ZSCAN18: variants seen among roughly 807,000 people sequenced by gnomAD.
The protein encoded by ZSCAN18 is zinc finger and SCAN domain-containing protein 18.
A neutral mutation model predicts 31.1 loss-of-function variants in ZSCAN18; 16 were observed. That is an observed-to-expected ratio of 0.51 (90% CI 0.35 to 0.78). The LOEUF (loss-of-function observed/expected upper bound fraction) is 0.78, where lower values mean the gene tolerates loss of function less well. Among genes scored for constraint, ZSCAN18 ranks in the 30% least tolerant of loss-of-function variants. ZSCAN18 has a pLI of 0.01. For synonymous variants in ZSCAN18, 375 were observed against 320.7 expected, an observed-to-expected ratio of 1.17 and a Z score of -1.81; for missense variants, 731 against 697.4, an observed-to-expected ratio of 1.05 and a Z score of -0.54.
Position 58,090,122 on chromosome 19 carries a change from C to T in ZSCAN18, c.146G>A (p.Arg49His), listed in dbSNP as rs368350026. Residue 49 changes from arginine to histidine, a missense_variant, in exon 2 of 7, where the codon CGC (arginine) becomes CAC (histidine). Arg to His is a conservative substitution (Grantham distance 29). Around this residue, in one of 4 missense-constraint regions of ZSCAN18, gnomAD observed 86 missense variants for 119.1 expected, o/e 0.72. Coordinates refer to ENST00000601144, the MANE Select transcript of ZSCAN18 (RefSeq NM_001145543.2). The surrounding 1 kb of genome is among the most constrained non-coding windows in gnomAD (Gnocchi z 4.7). ...GTAGACAAATTCCCGGAAACGCAGG[C>T]GGGAGAACTCCAGGTCAGCAGGGGT... is the stretch of plus-strand genomic sequence containing the variant. Reference protein sequence around the residue: ...ERTPADLEFSRLRFREFVYQE... With the variant: ...ERTPADLEFSHLRFREFVYQE... 4.3e-6 allele frequency: 7 copies of T among 1,613,634 alleles called. No individual in the cohort carries two copies. Among genetic ancestry groups the T allele is most frequent in the Non-Finnish European group, 5.9e-6 (7 of 1,179,880 alleles).
Position 58,088,749 on chromosome 19 carries a change from G to C in ZSCAN18, c.492C>G (p.Gly164=), listed in dbSNP as rs61746987. 1 of 1,608,554 alleles carries C rather than the reference G, an allele frequency of 6.2e-7. No individual in the cohort carries two copies. Among genetic ancestry groups the C allele is most frequent in the Non-Finnish European group, 8.5e-7 (1 of 1,179,970 alleles). ...GGGCCTGGCTGGGGCTCGCGAGCTCGCCTGGTAGCAGCAGAGGGTCCATGT... is the reference window on the plus strand; with the variant it reads ...GGGCCTGGCTGGGGCTCGCGAGCTCCCCTGGTAGCAGCAGAGGGTCCATGT... ...ERHMDPLLLP[G]ELASPSQALG... The change falls in exon 3 of 7, where the codon GGC becomes GGG. Residue 164 remains glycine (G), a synonymous_variant. Coordinates refer to ENST00000601144, the MANE Select transcript of ZSCAN18 (RefSeq NM_001145543.2).
chr19:58,101,299 A>ATTTTTTTTTTTT (rs71188078), upstream of ZSCAN18, among the ~76,000 whole-genome samples: 24 of 108,384 alleles, frequency 2.2e-4, no homozygotes, highest in African/African-American at 3.3e-4. Flanking sequence ...TGCCCAGCTA[A>ATTTTTTTTTTTT]TTTTTTTTTT....
intron 1 of ZSCAN18, among the ~76,000 whole-genome samples, chr19:58,104,889 T>C (rs295347): frequency 6.6e-6 from 1 of 152,214 alleles, no homozygotes; most frequent in East Asian, 1.9e-4. Flanking sequence ...GGAAGGTCGC[T>C]ACAGTAGACA....
Position 58,089,973 on chromosome 19 carries a change from C to T in ZSCAN18, c.295G>A (p.Gly99Ser). The T allele has an allele frequency of 6.2e-7, 1 of 1,614,120 alleles. No individual in the cohort carries two copies. The highest frequency in any genetic ancestry group is 8.5e-7 in the Non-Finnish European group (1 of 1,180,032). ...LELLVLEQFL[G>S]ILPDKVRPWV... The stretch of plus-strand genomic sequence containing the variant: ...GGCCGGACCTTATCAGGCAGGATGC[C>T]CAGGAACTGCTCCAGCACCAGCAGC... The change falls in exon 2 of 7, where the codon GGC becomes AGC. Residue 99 changes from glycine (G) to serine (S), a missense_variant. By Grantham distance (56) the Gly-to-Ser change is moderately conservative. Around this residue, in one of 4 missense-constraint regions of ZSCAN18, gnomAD observed 2 missense variants for 18.2 expected, o/e 0.11. Coordinates refer to ENST00000601144, the MANE Select transcript of ZSCAN18 (RefSeq NM_001145543.2).
In ZSCAN18 at chr19:58,118,352, C is replaced by A. The variant is rs1311082368; in HGVS notation, c.45G>T (p.Ala15=). 3 of 1,533,178 alleles carry A rather than the reference C, an allele frequency of 2.0e-6. No individual in the cohort carries two copies. The Admixed American group carries it at 6.1e-5, about 31-fold the overall frequency. The allele number at this position is 1,533,178 out of a possible 1,614,324, so 95.0% of individuals were successfully genotyped here. A position where few individuals can be genotyped will look rare whatever the true frequency, so the allele number is the denominator to read the frequency against. Residue 15 remains alanine (A), a synonymous_variant, in exon 1 of 2, where the codon GCG becomes GCT. Coordinates refer to the ZSCAN18 transcript ENST00000595721. ...CCGCGAGAGGACGGAACTCACTTCCCGCCGCCGTAGCGTCCTCGTCAGCTC... is the reference window on the plus strand; with the variant it reads ...CCGCGAGAGGACGGAACTCACTTCCAGCCGCCGTAGCGTCCTCGTCAGCTC...
At chr19:58,111,905 C>T (rs928632727) in intron 1 of ZSCAN18, among the ~76,000 whole-genome samples, 9 of 152,090 alleles carry the variant, frequency 5.9e-5, no homozygotes, top group Non-Finnish European at 8.8e-5. Context: ...TTTCAACATG[C>T]GAAAATTAGT....
rs756314064 is a variant in ZSCAN18, at chr19:58,085,223, G to A, written c.995C>T (p.Ala332Val). Residue 332 changes from alanine to valine, a missense_variant, in exon 7 of 7, where the codon GCC (alanine) becomes GTC (valine). Ala to Val is a moderately conservative substitution (Grantham distance 64). Coordinates refer to ENST00000601144, the MANE Select transcript of ZSCAN18 (RefSeq NM_001145543.2). ...TEEEEEQPGK[A>V]PDPQDPQDAE... ...GTCCTGGGGGTCCTGCGGGTCCGGGGCCTTCCCAGGCTGCTCTTCCTCCTC... is the reference window on the plus strand; with the variant it reads ...GTCCTGGGGGTCCTGCGGGTCCGGGACCTTCCCAGGCTGCTCTTCCTCCTC... 6.2e-7 allele frequency: 1 copy of A among 1,608,084 alleles called. No homozygotes were observed. The highest frequency in any genetic ancestry group is 1.7e-5 in the Admixed American group (1 of 59,886).
At position 58,085,411 on chromosome 19, in the gene ZSCAN18, C is replaced by G. The variant is rs771499239; in HGVS notation, c.839-32G>C. On this transcript the variant is annotated intron_variant, in intron 6 of 6. Coordinates refer to ENST00000601144, the MANE Select transcript of ZSCAN18 (RefSeq NM_001145543.2). ...CAAGGTCAGAGCCCTAGCGTGAGCG[C>G]CCCGCCCAGGGCCAGGGAGAGGAGG... 3 of 1,530,668 alleles carry G rather than the reference C, an allele frequency of 2.0e-6. No homozygotes were observed. In the South Asian group the frequency reaches 3.6e-5, roughly 18 times the overall value. 94.8% of individuals were successfully genotyped at this position (1,530,668 alleles called of 1,614,324 possible). A position where few individuals can be genotyped will look rare whatever the true frequency, so the allele number is the denominator to read the frequency against.
intron 1 of ZSCAN18, chr19:58,109,396 A>C (rs911418204): frequency 1.6e-6 from 2 of 1,218,152 alleles, no homozygotes; most frequent in African/African-American, 3.1e-5. Context: ...CAGCCAGGCC[A>C]GTATCTATTA....
At chr19:58,087,104 C>T in intron 4 of ZSCAN18, 96 bp from the exon 5 acceptor site, 3 of 1,160,220 alleles carry the variant, frequency 2.6e-6, no homozygotes, top group Non-Finnish European at 2.5e-6. Flanking sequence ...AGGAGCCAGC[C>T]CTGGCCAGGG....
Position 58,098,166 on chromosome 19 carries a change from C to T in ZSCAN18, c.-120+8G>A. The T allele has an allele frequency of 3.0e-6, 3 of 985,578 alleles. No individual in the cohort carries two copies. The highest frequency in any genetic ancestry group is 2.4e-6 in the Non-Finnish European group (2 of 830,052). The allele number at this position is 985,578 out of a possible 1,614,324, so 61.1% of individuals were successfully genotyped here. A position where few individuals can be genotyped will look rare whatever the true frequency, so the allele number is the denominator to read the frequency against. ...GACCCCCGCGCTGCATCCCCGGGAC[C>T]GACCCACCTGCTGCGCAGCTACCCC... On this transcript the variant is annotated splice_region_variant and intron_variant, in intron 1 of 6. Transcript: ENST00000601144.
Position 58,085,184 on chromosome 19 carries a change from G to C in ZSCAN18, c.1034C>G (p.Ser345Cys), listed in dbSNP as rs1388204633. 3.1e-6 allele frequency: 5 copies of C among 1,610,416 alleles called. No homozygotes were observed. Among genetic ancestry groups the C allele is most frequent in the Non-Finnish European group, 4.2e-6 (5 of 1,179,472 alleles). ...GGACTGCCTCTGCGATCCGGTGGCAGAGTCGGACTCCGCGTCCTGGGGGTC... is the reference window on the plus strand; with the variant it reads ...GGACTGCCTCTGCGATCCGGTGGCACAGTCGGACTCCGCGTCCTGGGGGTC... ...PQDPQDAESD[S>C]ATGSQRQSVI... The change falls in exon 7 of 7, where the codon TCT becomes TGT. Residue 345 changes from serine (S) to cysteine (C), a missense_variant. Transcript: ENST00000601144.
At chr19:58,112,196 A>C (rs1403312053) in intron 1 of ZSCAN18, among the ~76,000 whole-genome samples, 2 of 152,104 alleles carry the variant, frequency 1.3e-5, no homozygotes, top group Admixed American at 1.3e-4. Context: ...CAAGATTCCC[A>C]GTAATTTTTG....
At chr19:58,094,164 A>G (rs1334498959) in intron 1 of ZSCAN18, among the ~76,000 whole-genome samples, 1 of 151,746 alleles carries the variant, frequency 6.6e-6, no homozygotes, top group Non-Finnish European at 1.5e-5. Context: ...TTAGGAGGCC[A>G]AGGCAGGCAG....
chr19:58,094,253 T>C (rs183623803), intron 1 of ZSCAN18, among the ~76,000 whole-genome samples: 1 of 130,298 alleles, frequency 7.7e-6, no homozygotes, highest in Non-Finnish European at 1.6e-5. Flanking sequence ...AAAAAAAAAA[T>C]AATAATAATT....
chr19:58,113,543 T>C (rs2074705075), intron 1 of ZSCAN18, among the ~76,000 whole-genome samples: 1 of 152,186 alleles, frequency 6.6e-6, no homozygotes, highest in South Asian at 2.1e-4. Flanking sequence ...TAGCATTTCA[T>C]CTTGTAGCCA....
chr19:58,084,606 G>C lies in ZSCAN18; in HGVS notation c.*79C>G. On this transcript the variant is annotated 3_prime_UTR_variant, in exon 7 of 7. Transcript: ENST00000601144. The surrounding 1 kb of genome is among the most constrained non-coding windows in gnomAD (Gnocchi z 4.5). ...AACACCACAGGAAGCCGCCACCCAG[G>C]GGCGTGGAAAGGCCCAATGCCTCGT... 1.5e-6 allele frequency: 2 copies of C among 1,327,866 alleles called. No homozygotes were observed. The highest frequency in any genetic ancestry group is 2.0e-6 in the Non-Finnish European group (2 of 1,009,736). The allele number at this position is 1,327,866 out of a possible 1,614,324, so 82.3% of individuals were successfully genotyped here.
chr19:58,112,893 G>A (rs889394654), intron 1 of ZSCAN18, among the ~76,000 whole-genome samples: 12 of 120,684 alleles, frequency 9.9e-5, no homozygotes, highest in African/African-American at 3.4e-4. Context: ...AGAAGGTGCA[G>A]TGAACCAAAA....
At chr19:58,097,242 G>C (rs752019123) in intron 1 of ZSCAN18, among the ~76,000 whole-genome samples, 6 of 152,124 alleles carry the variant, frequency 3.9e-5, no homozygotes, top group Non-Finnish European at 8.8e-5. Flanking sequence ...GAAGGTAGCA[G>C]GGAGAGAGAA....
Sources: allele counts gnomAD v4.1 joint callset (sites outside exome capture counted in the v4.1 genomes callset), GRCh38; gene constraint gnomAD v4.1.1; regional missense constraint gnomAD v4.1.1; non-coding constraint Gnocchi (gnomAD v3.1); transcripts MANE v1.5; gene names NCBI Gene and HGNC (gene_info 2026-07-23, HGNC 2026-07-21).